LRRC4C: variants seen among roughly 807,000 people sequenced by gnomAD.
LRRC4C encodes leucine rich repeat containing 4C.
Under a neutral mutation model 33.6 loss-of-function variants are expected in LRRC4C, and 5 were observed. The observed-to-expected ratio is 0.15, with a 90% CI of 0.08 to 0.31. LRRC4C has a LOEUF of 0.31. Among genes scored for constraint, LRRC4C ranks in the 10% least tolerant of loss-of-function variants. The pLI, the probability that LRRC4C is intolerant of heterozygous loss-of-function variation, is 1.00. For synonymous variants in LRRC4C, 329 were observed against 302.0 expected (o/e 1.09, Z -0.93); for missense variants, 560 against 796.7 (o/e 0.70, Z 3.58).
intron 1 of LRRC4C, among the ~76,000 whole-genome samples, chr11:41,001,600 A>C (rs1462229): frequency 0.18 from 24,055 of 134,410 alleles, 2,014 homozygotes; most frequent in Middle Eastern, 0.25. Flanking sequence ...AGCTAAGAGA[A>C]CTCTACATAA....
chr11:40,167,805 G>A (rs537634762), intron 5 of LRRC4C, among the ~76,000 whole-genome samples: 39 of 152,122 alleles, frequency 2.6e-4, no homozygotes, highest in Non-Finnish European at 5.4e-4. Context: ...AGCACTTTGG[G>A]AGGCCGAGGC....
intron 5 of LRRC4C, among the ~76,000 whole-genome samples, chr11:40,212,471 T>TAAAA (rs1554975050): frequency 1.4e-4 from 20 of 144,668 alleles, no homozygotes; most frequent in African/African-American, 5.0e-4. Context: ...CAAGCAAAAT[T>TAAAA]AAAAAAAAAA....
At chr11:41,161,307 G>T (rs907179191) in intron 1 of LRRC4C, among the ~76,000 whole-genome samples, 17 of 152,098 alleles carry the variant, frequency 1.1e-4, no homozygotes, top group Non-Finnish European at 2.5e-4. Context: ...TTGCCTAAAT[G>T]GTTTAATCAC....
At chr11:40,369,379 T>C (rs1253278336) in intron 3 of LRRC4C, among the ~76,000 whole-genome samples, 1 of 152,148 alleles carries the variant, frequency 6.6e-6, no homozygotes, top group African/African-American at 2.4e-5. Context: ...AGTTTCACTC[T>C]TGTTGCCCAG....
intron 4 of LRRC4C, among the ~76,000 whole-genome samples, chr11:40,286,924 AT>A (rs1195826016): frequency 2.0e-5 from 3 of 152,208 alleles, no homozygotes; most frequent in South Asian, 4.2e-4. Flanking sequence ...TTTTAACACA[AT>A]TCTGCCTTTC....
intron 1 of LRRC4C, among the ~76,000 whole-genome samples, chr11:41,404,470 GTGTGTGTGTGTC>G (rs1954143640): frequency 8.7e-6 from 1 of 114,996 alleles, no homozygotes; most frequent in South Asian, 3.3e-4. Flanking sequence ...CCAGGGCTAT[GTGTGTGTGTGTC>G]TGTGTGTGTG....
At chr11:41,221,079 T>A (rs570409838) in intron 1 of LRRC4C, among the ~76,000 whole-genome samples, 1 of 152,310 alleles carries the variant, frequency 6.6e-6, no homozygotes, top group East Asian at 1.9e-4. Flanking sequence ...CAAATTATTT[T>A]GTCACCCAGG....
chr11:41,381,039 C>CT (rs1180133671), intron 1 of LRRC4C, among the ~76,000 whole-genome samples: 2 of 152,114 alleles, frequency 1.3e-5, no homozygotes, highest in African/African-American at 4.8e-5. Context: ...TCTGCACGGT[C>CT]TGAAAATCTG....
At chr11:40,792,576 T>G (rs912380812) in intron 2 of LRRC4C, among the ~76,000 whole-genome samples, 3 of 152,166 alleles carry the variant, frequency 2.0e-5, no homozygotes, top group Non-Finnish European at 4.4e-5. Context: ...GAAGTCAGTG[T>G]GGCGATTCCT....
chr11:41,387,198 T>C (rs1445261679), intron 1 of LRRC4C, among the ~76,000 whole-genome samples: 4 of 119,124 alleles, frequency 3.4e-5, no homozygotes, highest in African/African-American at 8.6e-5. Context: ...AATGAGGAGA[T>C]GATAACTTTT....
intron 1 of LRRC4C, among the ~76,000 whole-genome samples, chr11:41,107,348 A>G (rs900814091): frequency 1.3e-5 from 2 of 152,098 alleles, no homozygotes; most frequent in African/African-American, 4.8e-5. Flanking sequence ...CAACTGTAAA[A>G]CAATACTGTA....
intron 1 of LRRC4C, among the ~76,000 whole-genome samples, chr11:41,094,457 G>C (rs1940672299): frequency 6.6e-6 from 1 of 151,332 alleles, no homozygotes; most frequent in African/African-American, 2.4e-5. Flanking sequence ...CCAGGAGGCG[G>C]AGCTTACAGT....
At chr11:41,408,345 A>T (rs1318729302) in intron 1 of LRRC4C, among the ~76,000 whole-genome samples, 1 of 152,154 alleles carries the variant, frequency 6.6e-6, no homozygotes, top group Non-Finnish European at 1.5e-5. Context: ...AACTGGGACC[A>T]TTTTTGTGCA....
chr11:40,688,047 T>C (rs1342594492), intron 2 of LRRC4C, among the ~76,000 whole-genome samples: 2 of 152,074 alleles, frequency 1.3e-5, no homozygotes, highest in Non-Finnish European at 2.9e-5. Context: ...TGCCTGGCAA[T>C]GAATGGAATG....
intron 5 of LRRC4C, among the ~76,000 whole-genome samples, chr11:40,154,233 T>G (rs1858471549): frequency 6.7e-6 from 1 of 148,994 alleles, no homozygotes; most frequent in Admixed American, 6.7e-5. Flanking sequence ...AAACAAATGC[T>G]GAATGAATTC....
In LRRC4C at chr11:41,166,406, A is replaced by G. The variant is rs527624952; in HGVS notation, c.-495-232683T>C. ...TGCTTACTCTAACATACATTCCGTG[A>G]CCACAGAACGACATATAGTCAGACC... On this transcript the variant is annotated intron_variant, in intron 1 of 6. Transcript: ENST00000528697. Among the ~76,000 whole-genome samples the G allele has an allele frequency of 3.0e-4, 46 of 152,338 alleles. 1 individual carries two copies. The South Asian group carries it at 6.6e-3, about 22-fold the overall frequency.
chr11:40,445,592 T>A (rs959757231), intron 3 of LRRC4C: 2 of 153,216 alleles, frequency 1.3e-5, no homozygotes, highest in African/African-American at 4.8e-5. Context: ...TAAGGTTTAT[T>A]GCGTCTGTGA....
intron 2 of LRRC4C, among the ~76,000 whole-genome samples, chr11:40,858,592 G>C (rs1565141493): frequency 6.6e-6 from 1 of 151,254 alleles, no homozygotes; most frequent in Non-Finnish European, 1.5e-5. Context: ...TACTCTGGTG[G>C]CTGAGGCGGG....
chr11:40,786,051 G>A (rs1454064429), intron 2 of LRRC4C, among the ~76,000 whole-genome samples: 1 of 152,010 alleles, frequency 6.6e-6, no homozygotes, highest in Non-Finnish European at 1.5e-5. Context: ...TTTCTTAAAT[G>A]TTTCTAGTCT....
Sources: allele counts gnomAD v4.1 joint callset (sites outside exome capture counted in the v4.1 genomes callset), GRCh38; gene constraint gnomAD v4.1.1; transcripts MANE v1.5; gene names NCBI Gene and HGNC (gene_info 2026-07-23, HGNC 2026-07-21).